LUZP2: variants seen among roughly 807,000 people sequenced by gnomAD.
The protein encoded by LUZP2 is leucine zipper protein 2.
LUZP2 carries 52 observed loss-of-function variants against 51.6 expected under a neutral mutation model. The ratio of observed to expected loss-of-function variants is 1.01; its 90% CI spans 0.81 to 1.27. The LOEUF (loss-of-function observed/expected upper bound fraction) is 1.27. LUZP2 is among the 50% of genes most tolerant of loss of function. LUZP2 has a pLI of 0.00. For synonymous variants in LUZP2, 154 were observed against 137.3 expected (o/e 1.12, Z -0.85); for missense variants, 436 against 395.4 (o/e 1.10, Z -0.87).
At chr11:24,919,808 G>A (rs1412111889) in intron 7 of LUZP2, among the ~76,000 whole-genome samples, 1 of 150,704 alleles carries the variant, frequency 6.6e-6, no homozygotes, top group African/African-American at 2.4e-5. Context: ...TTGCTACCTA[G>A]TACAGGTGAT....
rs11028030 is a variant in LUZP2 at position 24,573,871 on chromosome 11, T to A, written c.62+76566T>A. On this transcript the variant is annotated intron_variant, in intron 1 of 11. Coordinates refer to ENST00000336930, the MANE Select transcript of LUZP2 (RefSeq NM_001009909.4). ...AACTGAATTCTTGTTTTATTTTTTTTATTTTTTTAATTTTATTATTATTAT... is the reference window on the plus strand; with the variant it reads ...AACTGAATTCTTGTTTTATTTTTTTAATTTTTTTAATTTTATTATTATTAT... Among the ~76,000 whole-genome samples, 18 of 148,726 alleles carry A rather than the reference T, an allele frequency of 1.2e-4. No individual in the cohort carries two copies. The South Asian group carries it at 1.7e-3, about 14-fold the overall frequency.
At chr11:24,498,088 C>T (rs1849884246) in intron 1 of LUZP2, among the ~76,000 whole-genome samples, 1 of 152,074 alleles carries the variant, frequency 6.6e-6, no homozygotes. Flanking sequence ...TGATCAAGTC[C>T]CAAAGTTGTG....
At chr11:24,749,940 C>T (rs937554297) in intron 4 of LUZP2, among the ~76,000 whole-genome samples, 3 of 152,144 alleles carry the variant, frequency 2.0e-5, no homozygotes, top group African/African-American at 4.8e-5. Flanking sequence ...CATGGGACTT[C>T]GCCTTGTGAT....
At chr11:24,656,937 A>C (rs1855826955) in intron 1 of LUZP2, among the ~76,000 whole-genome samples, 1 of 152,128 alleles carries the variant, frequency 6.6e-6, no homozygotes, top group African/African-American at 2.4e-5. Flanking sequence ...ACTTTATTGC[A>C]TTTGTAAAGT....
chr11:25,063,550 A>T (rs776655882), intron 10 of LUZP2, among the ~76,000 whole-genome samples: 9 of 151,866 alleles, frequency 5.9e-5, no homozygotes, highest in Non-Finnish European at 1.0e-4. Flanking sequence ...TATGTTTTAT[A>T]AGAAAAATAG....
chr11:24,924,054 C>T (rs1024753528), intron 7 of LUZP2, among the ~76,000 whole-genome samples: 3 of 151,798 alleles, frequency 2.0e-5, no homozygotes, highest in Admixed American at 2.0e-4. Flanking sequence ...GCTTGCCCCC[C>T]CACACCCAGC....
At chr11:24,609,343 C>A (rs1356253985) in intron 1 of LUZP2, among the ~76,000 whole-genome samples, 1 of 152,114 alleles carries the variant, frequency 6.6e-6, no homozygotes, top group East Asian at 1.9e-4. Context: ...CTCTGAAACT[C>A]TCCACAGTTG....
chr11:24,877,083 C>G (rs1852295383), intron 5 of LUZP2, among the ~76,000 whole-genome samples: 1 of 152,102 alleles, frequency 6.6e-6, no homozygotes, highest in South Asian at 2.1e-4. Context: ...ATAAAAGCAT[C>G]AAATAAATAT....
intron 5 of LUZP2, among the ~76,000 whole-genome samples, chr11:24,870,247 C>G (rs1384213628): frequency 6.6e-6 from 1 of 152,086 alleles, no homozygotes; most frequent in Non-Finnish European, 1.5e-5. Context: ...GCTCTTTCAC[C>G]TCTTGCACAA....
At chr11:24,826,761 C>T (rs148356888) in intron 5 of LUZP2, among the ~76,000 whole-genome samples, 380 of 152,186 alleles carry the variant, frequency 2.5e-3, no homozygotes, top group African/African-American at 8.8e-3. Context: ...ACAGTAAAAT[C>T]ATTCTAAGGC....
chr11:24,938,965 A>G (rs1854667533), intron 7 of LUZP2, among the ~76,000 whole-genome samples: 1 of 152,130 alleles, frequency 6.6e-6, no homozygotes, highest in African/African-American at 2.4e-5. Flanking sequence ...CTACACTTCA[A>G]ACAAGCCCCA....
At chr11:24,826,190 A>AAG (rs1215786412) in intron 5 of LUZP2, among the ~76,000 whole-genome samples, 1 of 67,536 alleles carries the variant, frequency 1.5e-5, no homozygotes, top group Admixed American at 2.4e-4. Context: ...AAAAAAAAAA[A>AAG]ATATATATAT....
At chr11:24,643,281 G>T (rs1037444624) in intron 1 of LUZP2, among the ~76,000 whole-genome samples, 1 of 139,970 alleles carries the variant, frequency 7.1e-6, no homozygotes, top group Middle Eastern at 3.7e-3. Flanking sequence ...AAAAAAATTA[G>T]CTGGGCGTGG....
chr11:24,949,288 TTATC>T (rs201078923), intron 7 of LUZP2, among the ~76,000 whole-genome samples: 19,996 of 141,110 alleles, frequency 0.14, 1,388 homozygotes, highest in East Asian at 0.18. Context: ...ATTATCTAGA[TTATC>T]TATCTATCTA....
In LUZP2 at chr11:25,044,255, G is replaced by GTATATA. The variant is rs1297961732; in HGVS notation, c.766-5782_766-5781insATATAT. On this transcript the variant is annotated intron_variant, in intron 9 of 11. Coordinates refer to ENST00000336930, the MANE Select transcript of LUZP2 (RefSeq NM_001009909.4). ...TGTGTATGTGTGTGTGTGTGTGTGT[G>GTATATA]TGTATATATATATATATATATATAT... Among the ~76,000 whole-genome samples the GTATATA allele has an allele frequency of 5.7e-3, 240 of 42,356 alleles. 1 individual carries two copies. The highest frequency in any genetic ancestry group is 8.0e-3 in the Non-Finnish European group (197 of 24,502). 27.8% of individuals were successfully genotyped at this position (42,356 alleles called of 152,430 possible). A position where few individuals can be genotyped will look rare whatever the true frequency, so the allele number is the denominator to read the frequency against.
intron 9 of LUZP2, among the ~76,000 whole-genome samples, chr11:25,015,689 G>A (rs1298904537): frequency 6.6e-6 from 1 of 151,962 alleles, no homozygotes; most frequent in Non-Finnish European, 1.5e-5. Context: ...ATCCCACCAG[G>A]AATACATGGT....
At chr11:24,753,314 C>A (rs573459639) in intron 4 of LUZP2, among the ~76,000 whole-genome samples, 8 of 152,076 alleles carry the variant, frequency 5.3e-5, no homozygotes, top group Non-Finnish European at 7.4e-5. Context: ...AGCTTCCATG[C>A]GCTCGCTGGA....
chr11:24,683,890 C>T (rs1249331480), intron 1 of LUZP2, among the ~76,000 whole-genome samples: 1 of 151,788 alleles, frequency 6.6e-6, no homozygotes, highest in Non-Finnish European at 1.5e-5. Context: ...AAAACAGAAC[C>T]CACCATCCCT....
intron 1 of LUZP2, among the ~76,000 whole-genome samples, chr11:24,712,829 A>G (rs1479230870): frequency 1.3e-5 from 2 of 152,180 alleles, no homozygotes; most frequent in Non-Finnish European, 2.9e-5. Context: ...ATTTTTATCT[A>G]TGATTAATGC....
Sources: gnomAD v4.1 joint callset for allele counts (sites outside exome capture counted in the v4.1 genomes callset) on GRCh38, gnomAD v4.1.1 for gene constraint, MANE v1.5 for transcripts, NCBI Gene and HGNC (gene_info 2026-07-23, HGNC 2026-07-21) for gene names.